IVD: variants seen among roughly 807,000 people sequenced by gnomAD.
The protein encoded by IVD is isovaleryl-CoA dehydrogenase, mitochondrial.
A neutral mutation model predicts 51.3 loss-of-function variants in IVD; 31 were observed. That is an observed-to-expected ratio of 0.60 (90% CI 0.45 to 0.81). IVD has a LOEUF of 0.81. Among genes scored for constraint, IVD ranks in the 40% least tolerant of loss-of-function variants. IVD has a pLI of 0.00. For missense variants in IVD, 475 were observed against 552.0 expected (o/e 0.86, Z 1.40); for synonymous variants, 205 against 219.4 (o/e 0.93, Z 0.58).
rs999548440 is a variant in IVD at position 40,407,923 on chromosome 15, T to G, written c.235-16T>G. 6.2e-7 allele frequency: 1 copy of G among 1,613,704 alleles called. No individual in the cohort carries two copies. The highest frequency in any genetic ancestry group is 2.2e-5 in the East Asian group (1 of 44,894). On this transcript the variant is annotated splice_polypyrimidine_tract_variant and intron_variant, in intron 2 of 11. Coordinates refer to ENST00000487418, the MANE Select transcript of IVD (RefSeq NM_002225.5). ...CCCCTCAACACTTATTCCACTCTGC[T>G]CCATTCTGTTGGCAGGAATTTTGGA...
At chr15:40,425,658 T>C (rs1203398826), downstream of IVD, among the ~76,000 whole-genome samples, 5 of 152,076 alleles carry the variant, frequency 3.3e-5, no homozygotes, top group East Asian at 7.7e-4. Flanking sequence ...GTAACTGGGA[T>C]TACAGGGATT....
chr15:40,420,755 A>G lies in IVD; in HGVS notation c.*2492A>G. 1.0e-6 allele frequency: 1 copy of G among 985,730 alleles called. No homozygotes were observed. 61.1% of individuals were successfully genotyped at this position (985,730 alleles called of 1,614,324 possible). A position where few individuals can be genotyped will look rare whatever the true frequency, so the allele number is the denominator to read the frequency against. On this transcript the variant is annotated 3_prime_UTR_variant, in exon 12 of 12. Coordinates refer to ENST00000487418, the MANE Select transcript of IVD (RefSeq NM_002225.5). ...CACAATTTGACTTTCTCAAGGTCAA[A>G]ACGAACTAGAATCCAGATCTGCTCA... is the stretch of plus-strand genomic sequence containing the variant.
intron 7 of IVD, among the ~76,000 whole-genome samples, chr15:40,413,570 G>C (rs1891315574): frequency 6.6e-6 from 1 of 152,146 alleles, no homozygotes. Context: ...CTCCCCTGAG[G>C]TGTAACTGAA....
intron 8 of IVD, 122 bp from the exon 9 acceptor site, chr15:40,415,279 C>G (rs1595786483): frequency 1.1e-6 from 1 of 920,686 alleles, no homozygotes; most frequent in Non-Finnish European, 1.7e-6. Flanking sequence ...GTAACTGTGG[C>G]AAGACTTTCT....
rs1892169175 is a variant in IVD, at chr15:40,420,217, C to G, written c.*1954C>G. 7 of 986,540 alleles carry G rather than the reference C, an allele frequency of 7.1e-6. No homozygotes were observed. Among genetic ancestry groups the G allele is most frequent in the Non-Finnish European group, 8.4e-6 (7 of 830,190 alleles). The allele number at this position is 986,540 out of a possible 1,614,324, so 61.1% of individuals were successfully genotyped here. A position where few individuals can be genotyped will look rare whatever the true frequency, so the allele number is the denominator to read the frequency against. ...GAAGACTGGCTCCTCCTGTACAGCA[C>G]CTCTGAGCCCTTGTGCACCGCCCTG... is the stretch of plus-strand genomic sequence containing the variant. On this transcript the variant is annotated 3_prime_UTR_variant, in exon 12 of 12. Coordinates refer to ENST00000487418, the MANE Select transcript of IVD (RefSeq NM_002225.5).
rs564211362 is a variant in IVD at position 40,405,808 on chromosome 15, G to A, written c.-20G>A. ...AAGAGCTGGCTCAGTTTCAGCGCTGGCTCTTCGTGCATGGCAGAGATGGCG... is the reference window on the plus strand; with the variant it reads ...AAGAGCTGGCTCAGTTTCAGCGCTGACTCTTCGTGCATGGCAGAGATGGCG... On this transcript the variant is annotated 5_prime_UTR_variant, in exon 1 of 12. Coordinates refer to ENST00000487418, the MANE Select transcript of IVD (RefSeq NM_002225.5). The A allele has an allele frequency of 2.6e-5, 41 of 1,607,780 alleles. No individual in the cohort carries two copies. In the East Asian group the frequency reaches 7.8e-4, roughly 31 times the overall value.
chr15:40,427,909 C>G (rs985354709), downstream of IVD, among the ~76,000 whole-genome samples: 1 of 152,074 alleles, frequency 6.6e-6, no homozygotes, highest in Non-Finnish European at 1.5e-5. Context: ...CTGCCAGGCA[C>G]GGTGGCTCAT....
downstream of IVD, among the ~76,000 whole-genome samples, chr15:40,422,559 A>G (rs1892392396): frequency 7.8e-6 from 1 of 128,832 alleles, no homozygotes; most frequent in Non-Finnish European, 1.6e-5. Context: ...CTGGGATTAC[A>G]GGCGTGAGCC....
intron 11 of IVD, 80 bp downstream of exon 11, chr15:40,416,442 G>A (rs867711998): frequency 6.0e-6 from 8 of 1,330,464 alleles, no homozygotes; most frequent in African/African-American, 4.4e-5. Context: ...GTTTCAGGGC[G>A]GGCGTGGTGG....
Position 40,411,562 on chromosome 15 carries a change from C to T in IVD, c.558C>T (p.His186=). 1 of 1,614,222 alleles carries T rather than the reference C, an allele frequency of 6.2e-7. No individual in the cohort carries two copies. Among genetic ancestry groups the T allele is most frequent in the South Asian group, 1.1e-5 (1 of 91,086 alleles). ...CCAACATCCTGCCCTTAGGAAATCA[C>T]TACATCCTGAATGGCAACAAGTTCT... ...MKLKAEKKGN[H]YILNGNKFWI... is the part of the protein sequence containing the mutation. The change falls in exon 6 of 12, where the codon CAC becomes CAT. Residue 186 remains histidine, a synonymous_variant. Transcript: ENST00000487418.
downstream of IVD, among the ~76,000 whole-genome samples, chr15:40,425,739 T>C (rs995673412): frequency 6.6e-6 from 1 of 151,978 alleles, no homozygotes. Context: ...CCCAGGCTGG[T>C]CTCAGACTCC....
intron 1 of IVD, among the ~76,000 whole-genome samples, chr15:40,406,903 G>A (rs1413663980): frequency 7.9e-6 from 1 of 126,228 alleles, no homozygotes; most frequent in Non-Finnish European, 1.6e-5. Flanking sequence ...CACTCTTGTT[G>A]CCCAGGCTGG....
chr15:40,421,297 A>C lies in IVD; in HGVS notation c.*3034A>C. The stretch of plus-strand genomic sequence containing the variant: ...AATGTTTTAAAATTAAAAGCAAAAA[A>C]AACAAAATGAACCATGCAGCCTGAG... On this transcript the variant is annotated 3_prime_UTR_variant, in exon 12 of 12. Coordinates refer to ENST00000487418, the MANE Select transcript of IVD (RefSeq NM_002225.5). 2.0e-6 allele frequency: 2 copies of C among 985,460 alleles called. No homozygotes were observed. Among genetic ancestry groups the C allele is most frequent in the Non-Finnish European group, 2.4e-6 (2 of 829,920 alleles). 61.0% of individuals were successfully genotyped at this position (985,460 alleles called of 1,614,324 possible). A position where few individuals can be genotyped will look rare whatever the true frequency, so the allele number is the denominator to read the frequency against.
chr15:40,408,781 T>C (rs1014767765), intron 3 of IVD, among the ~76,000 whole-genome samples: 6 of 152,050 alleles, frequency 3.9e-5, no homozygotes, highest in African/African-American at 1.4e-4. Flanking sequence ...AGAAACTCTG[T>C]CTCTACTAAA....
chr15:40,410,071 C>G (rs4924464), intron 3 of IVD, among the ~76,000 whole-genome samples: 37,763 of 151,880 alleles, frequency 0.25, 5,887 homozygotes, highest in East Asian at 0.65. Context: ...CTCCTGACCT[C>G]GTGATCTGCC....
Position 40,419,298 on chromosome 15 carries a change from G to T in IVD, c.*1035G>T. 1 of 1,146,450 alleles carries T rather than the reference G, an allele frequency of 8.7e-7. No homozygotes were observed. Among genetic ancestry groups the T allele is most frequent in the Non-Finnish European group, 1.2e-6 (1 of 860,510 alleles). The allele number at this position is 1,146,450 out of a possible 1,614,324, so 71.0% of individuals were successfully genotyped here. On this transcript the variant is annotated 3_prime_UTR_variant, in exon 12 of 12. Coordinates refer to ENST00000487418, the MANE Select transcript of IVD (RefSeq NM_002225.5). ...GGCCAAGGCAGGTGGATCACTTGCA[G>T]TCAGGAGTTCAAGACCAGCCTGTCC... is the stretch of plus-strand genomic sequence containing the variant.
chr15:40,410,595 G>A (rs549224330), intron 3 of IVD, 33 bp from the exon 4 acceptor site: 3 of 1,613,640 alleles, frequency 1.9e-6, no homozygotes, highest in Non-Finnish European at 2.5e-6. Flanking sequence ...TCTGGGCTGC[G>A]TTTTCCACTC....
downstream of IVD, among the ~76,000 whole-genome samples, chr15:40,427,425 T>G (rs1595822400): frequency 6.6e-6 from 1 of 152,208 alleles, no homozygotes; most frequent in Non-Finnish European, 1.5e-5. Flanking sequence ...AGCCCAGCGC[T>G]GGGGGCTGCC....
At position 40,421,266 on chromosome 15, in the gene IVD, A is replaced by C. The variant is rs991938521; in HGVS notation, c.*3003A>C. On this transcript the variant is annotated 3_prime_UTR_variant, in exon 12 of 12. Transcript: ENST00000487418. ...TCTTTCCTGGTTCTATATGTGAAGC[A>C]AAATAAATGTTTTAAAATTAAAAGC... The C allele has an allele frequency of 3.1e-6, 3 of 980,946 alleles. No homozygotes were observed. The East Asian group carries it at 3.6e-4, about 117-fold the overall frequency. 60.8% of individuals were successfully genotyped at this position (980,946 alleles called of 1,614,324 possible). A position where few individuals can be genotyped will look rare whatever the true frequency, so the allele number is the denominator to read the frequency against.
Sources: allele counts gnomAD v4.1 joint callset (sites outside exome capture counted in the v4.1 genomes callset), GRCh38; gene constraint gnomAD v4.1.1; transcripts MANE v1.5; gene names NCBI Gene and HGNC (gene_info 2026-07-23, HGNC 2026-07-21).